BCAS3: variants seen among roughly 807,000 people sequenced by gnomAD.
BCAS3 encodes BCAS3 microtubule associated cell migration factor, also known as BCAS4/BCAS3 fusion.
BCAS3 carries 53 observed loss-of-function variants against 116.1 expected under a neutral mutation model. The ratio of observed to expected loss-of-function variants is 0.46; its 90% CI spans 0.37 to 0.57. The LOEUF is 0.57. BCAS3 is among the 20% of genes least tolerant of loss of function. BCAS3 has a pLI of 0.00. For synonymous variants in BCAS3, 391 were observed against 408.2 expected (o/e 0.96, Z 0.51); for missense variants, 917 against 1,165.4 (o/e 0.79, Z 3.10).
At chr17:61,025,635 A>T (rs1568152200) in intron 16 of BCAS3, among the ~76,000 whole-genome samples, 1 of 152,086 alleles carries the variant, frequency 6.6e-6, no homozygotes, top group Non-Finnish European at 1.5e-5. Context: ...GTGGATGCTG[A>T]CATCGTACCG....
intron 5 of BCAS3, among the ~76,000 whole-genome samples, chr17:60,723,694 A>ACTTTTT (rs1405776714): frequency 1.4e-5 from 2 of 141,256 alleles, no homozygotes; most frequent in African/African-American, 5.2e-5. Context: ...AGCTATTGTT[A>ACTTTTT]CTTTTTCACT....
At chr17:60,818,871 G>A (rs561464835) in intron 7 of BCAS3, among the ~76,000 whole-genome samples, 4 of 152,166 alleles carry the variant, frequency 2.6e-5, no homozygotes, top group South Asian at 2.1e-4. Flanking sequence ...GCATAGAGAC[G>A]TTTTTAATGG....
chr17:61,189,788 GA>G lies in BCAS3; in HGVS notation c.2425+105225del, dbSNP rs2079991851. On this transcript the variant is annotated intron_variant, in intron 22 of 23. Coordinates refer to ENST00000407086, the MANE Select transcript of BCAS3 (RefSeq NM_017679.5). This position sits in a 1 kb window ranked among gnomAD's most constrained non-coding sequence, Gnocchi z 4.5. ...AATGTAAGAGAAGCGGTTTAAAGAG[GA>G]GCTCAATCCTTTTAGGAATTTGACC... Among the ~76,000 whole-genome samples, 1 of 152,148 alleles carries G rather than the reference GA, an allele frequency of 6.6e-6. No individual in the cohort carries two copies. The highest frequency in any genetic ancestry group is 6.5e-5 in the Admixed American group (1 of 15,274).
intron 9 of BCAS3, among the ~76,000 whole-genome samples, chr17:60,888,429 T>A (rs2065949379): frequency 6.6e-6 from 1 of 152,200 alleles, no homozygotes; most frequent in Admixed American, 6.5e-5. Flanking sequence ...GGAAAAACTT[T>A]CTTATAGATC....
In BCAS3 at chr17:60,684,030, G is replaced by A. The variant is rs372560258; in HGVS notation, c.132G>A (p.Val44=). Residue 44 remains valine, a synonymous_variant, in exon 3 of 24, where the codon GTG becomes GTA. Coordinates refer to ENST00000407086, the MANE Select transcript of BCAS3 (RefSeq NM_017679.5). ...TTGTGACTTTTCTGCAGGATGTTGTGCCACAGGTAAGTGTCTATATGTGCT... is the reference window on the plus strand; with the variant it reads ...TTGTGACTTTTCTGCAGGATGTTGTACCACAGGTAAGTGTCTATATGTGCT... ...ESVVTFLQDV[V]PQAYSGTPLT... 45 of 1,613,586 alleles carry A rather than the reference G, an allele frequency of 2.8e-5. No homozygotes were observed. In the East Asian group the frequency reaches 3.3e-4, roughly 12 times the overall value.
intron 5 of BCAS3, among the ~76,000 whole-genome samples, chr17:60,713,624 A>G (rs558822227): frequency 6.6e-6 from 1 of 152,306 alleles, no homozygotes; most frequent in African/African-American, 2.4e-5. Context: ...CAGTATAACA[A>G]TTATTTACAT....
chr17:61,064,929 G>A (rs977240032), intron 19 of BCAS3, among the ~76,000 whole-genome samples: 1 of 152,164 alleles, frequency 6.6e-6, no homozygotes, highest in Non-Finnish European at 1.5e-5. Context: ...AGAACAGCCA[G>A]TGATATTCTG....
At position 61,199,924 on chromosome 17, in the gene BCAS3, G is replaced by T. The variant is rs1031048284; in HGVS notation, c.2425+115360G>T. ...ACGGGTTATAGGTCTCTTGCTTTTT[G>T]ATCTTTCTTGGTTCTTTAGTTTTTG... On this transcript the variant is annotated intron_variant, in intron 22 of 23. Coordinates refer to ENST00000407086, the MANE Select transcript of BCAS3 (RefSeq NM_017679.5). This position sits in a 1 kb window ranked among gnomAD's most constrained non-coding sequence, Gnocchi z 4.6. Among the ~76,000 whole-genome samples, 8 of 152,074 alleles carry T rather than the reference G, an allele frequency of 5.3e-5. No individual in the cohort carries two copies. Among genetic ancestry groups the T allele is most frequent in the Admixed American group, 1.3e-4 (2 of 15,254 alleles).
chr17:60,824,121 A>G (rs528738760), intron 7 of BCAS3, among the ~76,000 whole-genome samples: 19 of 152,326 alleles, frequency 1.2e-4, no homozygotes, highest in Non-Finnish European at 2.6e-4. Context: ...GAGTTTGTAT[A>G]TAATTCATTA....
At chr17:60,840,655 G>T (rs114398533) in intron 7 of BCAS3, among the ~76,000 whole-genome samples, 166 of 152,228 alleles carry the variant, frequency 1.1e-3, no homozygotes, top group African/African-American at 3.8e-3. Flanking sequence ...GAAACCGTTG[G>T]ATCTGAAACA....
chr17:60,816,702 A>G (rs958932450), intron 7 of BCAS3, among the ~76,000 whole-genome samples: 6 of 152,246 alleles, frequency 3.9e-5, no homozygotes, highest in African/African-American at 1.4e-4. Flanking sequence ...TTGAGAATGT[A>G]CATAAAACAG....
At chr17:60,855,156 G>T (rs903212117) in intron 7 of BCAS3, among the ~76,000 whole-genome samples, 1 of 151,340 alleles carries the variant, frequency 6.6e-6, no homozygotes, top group African/African-American at 2.4e-5. Context: ...CACCATGTTG[G>T]TCAGGTTGGT....
At chr17:61,127,523 A>G (rs1238766744) in intron 22 of BCAS3, among the ~76,000 whole-genome samples, 2 of 151,962 alleles carry the variant, frequency 1.3e-5, no homozygotes, top group Non-Finnish European at 2.9e-5. Context: ...ATTTAAAATA[A>G]TGAAGATAAA....
rs1352494392 is a variant in BCAS3 at position 61,363,954 on chromosome 17, C to G, written c.2426-4373C>G. 6.6e-6 allele frequency among the ~76,000 whole-genome samples: 1 copy of G among 152,216 alleles called. No homozygotes were observed. The highest frequency in any genetic ancestry group is 1.5e-5 in the Non-Finnish European group (1 of 68,040). ...GGGCTTGGCCTCTTCACCCCAGTGC[C>G]TGCTGAAACACACCTGCAGCCTTGC... On this transcript the variant is annotated intron_variant, in intron 22 of 23. Transcript: ENST00000407086. This position sits in a 1 kb window ranked among gnomAD's most constrained non-coding sequence, Gnocchi z 4.9.
intron 22 of BCAS3, among the ~76,000 whole-genome samples, chr17:61,294,857 T>C (rs2052745205): frequency 6.6e-6 from 1 of 152,194 alleles, no homozygotes. Context: ...AGACTTCTGG[T>C]CCATTGCTAC....
At chr17:60,966,662 C>CT (rs754857618) in intron 14 of BCAS3, among the ~76,000 whole-genome samples, 5,773 of 133,022 alleles carry the variant, frequency 0.043, 382 homozygotes, top group African/African-American at 0.14. Context: ...TATCACCCAA[C>CT]TTTTTTTTTT....
intron 18 of BCAS3, among the ~76,000 whole-genome samples, chr17:61,038,257 T>G (rs1289409837): frequency 1.3e-5 from 2 of 151,922 alleles, no homozygotes; most frequent in Non-Finnish European, 2.9e-5. Context: ...TCTCTACAGA[T>G]TAGTTTACAG....
rs1370361240 is a variant in BCAS3 at position 61,161,127 on chromosome 17, G to A, written c.2425+76563G>A. Reference sequence around the variant, plus strand: ...CTAACATAAAAGTCTCAATTAGGTTGCTGCCTAGCAGGAAGCTTATAACCA... The same window carrying A: ...CTAACATAAAAGTCTCAATTAGGTTACTGCCTAGCAGGAAGCTTATAACCA... On this transcript the variant is annotated intron_variant, in intron 22 of 23. Transcript: ENST00000407086. This position sits in a 1 kb window ranked among gnomAD's most constrained non-coding sequence, Gnocchi z 4.8. 6.6e-6 allele frequency among the ~76,000 whole-genome samples: 1 copy of A among 152,166 alleles called. No homozygotes were observed. Among genetic ancestry groups the A allele is most frequent in the Non-Finnish European group, 1.5e-5 (1 of 68,034 alleles).
rs1281238391 is a variant in BCAS3, at chr17:61,276,194, C to A, written c.2426-92133C>A. On this transcript the variant is annotated intron_variant, in intron 22 of 23. Transcript: ENST00000407086. The surrounding 1 kb of genome is among the most constrained non-coding windows in gnomAD (Gnocchi z 4.2). Reference sequence around the variant, plus strand: ...TGAAACCCCATTTCTACTAAAGATACATTAAAAAATTAGCCAGGCATGGTG... The same window carrying A: ...TGAAACCCCATTTCTACTAAAGATAAATTAAAAAATTAGCCAGGCATGGTG... Among the ~76,000 whole-genome samples the A allele has an allele frequency of 6.6e-6, 1 of 151,922 alleles. No homozygotes were observed. The highest frequency in any genetic ancestry group is 2.4e-5 in the African/African-American group (1 of 41,364).
Sources: allele counts gnomAD v4.1 joint callset (sites outside exome capture counted in the v4.1 genomes callset), GRCh38; gene constraint gnomAD v4.1.1; non-coding constraint Gnocchi (gnomAD v3.1); transcripts MANE v1.5; gene names NCBI Gene and HGNC (gene_info 2026-07-23, HGNC 2026-07-21).